Variants in RGL1 observed in about 807,000 individuals in gnomAD.
RGL1 encodes the protein ral guanine nucleotide dissociation stimulator-like 1.
RGL1 carries 24 observed loss-of-function variants against 95.2 expected under a neutral mutation model. That is an observed-to-expected ratio of 0.25 (90% CI 0.18 to 0.35). RGL1 has a LOEUF of 0.35. Among genes scored for constraint, RGL1 ranks in the 10% least tolerant of loss-of-function variants. The pLI, the probability that RGL1 is intolerant of heterozygous loss-of-function variation, is 1.00. For missense variants in RGL1, 715 were observed against 936.3 expected (o/e 0.76, Z 3.08); for synonymous variants, 329 against 344.9 (o/e 0.95, Z 0.51).
chr1:183,657,662 T>C (rs1440066875), intron 1 of RGL1, among the ~76,000 whole-genome samples: 2 of 152,030 alleles, frequency 1.3e-5, no homozygotes, highest in African/African-American at 4.8e-5. Context: ...GGTGTATATG[T>C]GCCACATTTT....
At chr1:183,849,483 G>GTTTTTTTT (rs1418103960) in intron 3 of RGL1, among the ~76,000 whole-genome samples, 206 of 120,806 alleles carry the variant, frequency 1.7e-3, no homozygotes, top group East Asian at 3.5e-3. Context: ...CCAGTTTTTA[G>GTTTTTTTT]TTTTTTTTTT....
At chr1:183,831,824 T>G (rs1245611063) in intron 2 of RGL1, among the ~76,000 whole-genome samples, 1 of 152,164 alleles carries the variant, frequency 6.6e-6, no homozygotes, top group African/African-American at 2.4e-5. Context: ...TCTTAAAAAT[T>G]TTACAGTCTA....
upstream of RGL1, among the ~76,000 whole-genome samples, chr1:183,802,957 C>T (rs952148137): frequency 6.6e-6 from 1 of 152,096 alleles, no homozygotes; most frequent in African/African-American, 2.4e-5. Flanking sequence ...TACTTTAACC[C>T]AAAGGTACAG....
intron 1 of RGL1, among the ~76,000 whole-genome samples, chr1:183,676,906 A>G (rs1331651563): frequency 6.6e-6 from 1 of 151,372 alleles, no homozygotes; most frequent in African/African-American, 2.4e-5. Flanking sequence ...TTTTGTGAGT[A>G]TTAAATGAGT....
At chr1:183,841,549 C>T (rs1171193226) in intron 2 of RGL1, among the ~76,000 whole-genome samples, 2 of 152,200 alleles carry the variant, frequency 1.3e-5, no homozygotes, top group East Asian at 1.9e-4. Flanking sequence ...TAAAAGTTCA[C>T]ACAAGGCAGA....
At chr1:183,813,103 T>A (rs1661834758) in intron 2 of RGL1, among the ~76,000 whole-genome samples, 2 of 152,046 alleles carry the variant, frequency 1.3e-5, no homozygotes, top group South Asian at 2.1e-4. Flanking sequence ...AGGAGGAGGC[T>A]TTCTTTAGTG....
intron 1 of RGL1, among the ~76,000 whole-genome samples, chr1:183,703,063 A>C (rs547698963): frequency 6.6e-6 from 1 of 152,268 alleles, no homozygotes; most frequent in South Asian, 2.1e-4. Flanking sequence ...TCTTGCTGAC[A>C]AACACTGTTG....
At chr1:183,899,403 T>G (rs1311340712) in intron 10 of RGL1, among the ~76,000 whole-genome samples, 2 of 152,198 alleles carry the variant, frequency 1.3e-5, no homozygotes, top group Non-Finnish European at 2.9e-5. Context: ...TGACCTTGGT[T>G]GTCTTAAGGG....
intron 2 of RGL1, among the ~76,000 whole-genome samples, chr1:183,842,835 A>G (rs527363879): frequency 6.6e-6 from 1 of 152,358 alleles, no homozygotes; most frequent in African/African-American, 2.4e-5. Flanking sequence ...AAGATAATAT[A>G]AGCAAAAACA....
intron 1 of RGL1, among the ~76,000 whole-genome samples, chr1:183,706,292 A>T (rs544812170): frequency 3.3e-5 from 5 of 152,154 alleles, no homozygotes; most frequent in Admixed American, 6.5e-5. Flanking sequence ...TTGTCCATCA[A>T]TTCCCACAAC....
intron 1 of RGL1, among the ~76,000 whole-genome samples, chr1:183,731,119 T>C (rs138276826): frequency 7.2e-5 from 11 of 152,230 alleles, no homozygotes; most frequent in South Asian, 6.2e-4. Context: ...AACCTGAGAA[T>C]TGAATTCACT....
intron 2 of RGL1, among the ~76,000 whole-genome samples, chr1:183,842,783 G>T (rs1242250070): frequency 1.3e-5 from 2 of 152,328 alleles, no homozygotes; most frequent in Middle Eastern, 3.4e-3. Context: ...TCTGACAAGG[G>T]TTCCACCCCT....
intron 16 of RGL1, among the ~76,000 whole-genome samples, chr1:183,917,877 G>A (rs1386714163): frequency 6.6e-6 from 1 of 152,214 alleles, no homozygotes; most frequent in Non-Finnish European, 1.5e-5. Context: ...GAAAGTCATG[G>A]CACTGTGTTT....
intron 2 of RGL1, among the ~76,000 whole-genome samples, chr1:183,790,763 C>T (rs1208746688): frequency 6.6e-6 from 1 of 152,136 alleles, no homozygotes; most frequent in African/African-American, 2.4e-5. Flanking sequence ...AATACCATTG[C>T]ACCATTATTT....
Position 183,880,637 on chromosome 1 carries a change from G to A in RGL1, c.447G>A (p.Arg149=). The A allele has an allele frequency of 6.2e-7, 1 of 1,613,764 alleles. No individual in the cohort carries two copies. The highest frequency in any genetic ancestry group is 8.5e-7 in the Non-Finnish European group (1 of 1,179,794). The change falls in exon 5 of 18, where the codon AGG becomes AGA. Residue 149 remains arginine (R), a synonymous_variant. Transcript: ENST00000360851. ...VIRNAIASIL[R]AWLDQCAEDF... is the part of the protein sequence containing the mutation. Reference sequence around the variant, plus strand: ...TCAGTGCAATCGCTTCCATACTAAGGGCCTGGCTTGACCAGTGTGCAGAAG... The same window carrying A: ...TCAGTGCAATCGCTTCCATACTAAGAGCCTGGCTTGACCAGTGTGCAGAAG...
At chr1:183,639,235 C>G (rs1182886260) in intron 1 of RGL1, among the ~76,000 whole-genome samples, 1 of 148,186 alleles carries the variant, frequency 6.7e-6, no homozygotes, top group Non-Finnish European at 1.5e-5. Context: ...GAGCTGAGAT[C>G]GTGCCATTGC....
intron 1 of RGL1, among the ~76,000 whole-genome samples, chr1:183,708,607 A>G (rs992738805): frequency 7.2e-5 from 11 of 152,208 alleles, no homozygotes; most frequent in African/African-American, 2.7e-4. Flanking sequence ...GTCCCCAACC[A>G]GGCTTAGAGG....
intron 2 of RGL1, among the ~76,000 whole-genome samples, chr1:183,792,599 G>A (rs556760641): frequency 2.0e-5 from 3 of 152,144 alleles, no homozygotes; most frequent in Admixed American, 6.5e-5. Context: ...GAACTGATAA[G>A]AGAATTCAGT....
intron 2 of RGL1, among the ~76,000 whole-genome samples, chr1:183,827,892 T>G (rs1005741207): frequency 2.0e-5 from 3 of 152,222 alleles, no homozygotes; most frequent in African/African-American, 7.2e-5. Context: ...TGGAGTTATG[T>G]AATAGGTATT....
Sources: gnomAD v4.1 joint callset for allele counts (sites outside exome capture counted in the v4.1 genomes callset) on GRCh38, gnomAD v4.1.1 for gene constraint, MANE v1.5 for transcripts, NCBI Gene and HGNC (gene_info 2026-07-23, HGNC 2026-07-21) for gene names.